Variants in USP40 observed in about 807,000 individuals in gnomAD.
USP40 encodes ubiquitin specific peptidase 40.
In USP40, 143 loss-of-function variants were observed where a neutral mutation model predicts 166.2. The observed-to-expected ratio is 0.86, with a 90% CI of 0.75 to 0.99. The LOEUF (loss-of-function observed/expected upper bound fraction) is 0.99. USP40 is among the 50% of genes least tolerant of loss of function. The pLI is 0.00. For synonymous variants in USP40, 498 were observed against 524.0 expected (o/e 0.95, Z 0.68); for missense variants, 1,444 against 1,479.7 (o/e 0.98, Z 0.40).
intron 30 of USP40, among the ~76,000 whole-genome samples, chr2:233,481,804 A>G (rs1481849390): frequency 6.6e-6 from 1 of 152,230 alleles, no homozygotes. Context: ...TGCTCCCTGC[A>G]TTCCCGTGAC....
intron 25 of USP40, among the ~76,000 whole-genome samples, chr2:233,491,665 G>T (rs1048337969): frequency 1.3e-5 from 2 of 151,694 alleles, no homozygotes; most frequent in African/African-American, 4.8e-5. Flanking sequence ...CGTTTAATCT[G>T]CCTCCTCAAA....
intron 21 of USP40, among the ~76,000 whole-genome samples, chr2:233,509,041 T>C (rs1245523554): frequency 2.0e-5 from 3 of 152,174 alleles, no homozygotes; most frequent in Non-Finnish European, 2.9e-5. Context: ...CCTAGATATA[T>C]AACCAGCCAT....
chr2:233,548,685 T>G (rs2070234144), intron 8 of USP40, among the ~76,000 whole-genome samples: 1 of 152,172 alleles, frequency 6.6e-6, no homozygotes, highest in Non-Finnish European at 1.5e-5. Flanking sequence ...GTTCCTTATT[T>G]TAATCAATGC....
At position 233,512,565 on chromosome 2, in the gene USP40, T is replaced by C. The variant is rs1225737935; in HGVS notation, c.2437+4A>G. 1 of 1,578,358 alleles carries C rather than the reference T, an allele frequency of 6.3e-7. No homozygotes were observed. The highest frequency in any genetic ancestry group is 8.6e-7 in the Non-Finnish European group (1 of 1,163,434). The stretch of plus-strand genomic sequence containing the variant: ...ACCTTTTGAAAGTTATCAAAAAGAT[T>C]TACCTGGACAAAGAAGCTTCCCATT... On this transcript the variant is annotated splice_donor_region_variant and intron_variant, in intron 19 of 31. Transcript: ENST00000678225.
intron 8 of USP40, among the ~76,000 whole-genome samples, chr2:233,548,534 G>A (rs534223024): frequency 4.4e-4 from 67 of 152,236 alleles, no homozygotes; most frequent in African/African-American, 1.5e-3. Context: ...CAGATTACAG[G>A]AGAGTTAGCT....
In USP40 at chr2:233,524,393, G is replaced by C. The variant is rs1427796406; in HGVS notation, c.1881+99C>G. The C allele has an allele frequency of 1.4e-5, 14 of 1,012,000 alleles. No individual in the cohort carries two copies. The Admixed American group carries it at 3.6e-4, about 26-fold the overall frequency. The allele number at this position is 1,012,000 out of a possible 1,614,324, so 62.7% of individuals were successfully genotyped here. A position where few individuals can be genotyped will look rare whatever the true frequency, so the allele number is the denominator to read the frequency against. On this transcript the variant is annotated intron_variant, in intron 15 of 31. Coordinates refer to ENST00000678225, the MANE Select transcript of USP40 (RefSeq NM_001365479.2). ...GATCTGCCTGCCTCGCCCTCCCAAA[G>C]TGCTGGGATTACAGGCATGAGCCAC...
Position 233,485,772 on chromosome 2 carries a change from T to G in USP40, c.3403A>C (p.Ser1135Arg). The change falls in exon 29 of 32, where the codon AGC becomes CGC. Residue 1135 changes from serine to arginine, a missense_variant. Transcript: ENST00000678225. ...AGACAGCCCCACAACTTTACCCAGC[T>G]AGATATCGGAAGCCACTCGAACTTT... ...PEKFEWLPIS[S>R]WNQQITKRKK... 1.2e-6 allele frequency: 2 copies of G among 1,613,194 alleles called. No individual in the cohort carries two copies. Among genetic ancestry groups the G allele is most frequent in the South Asian group, 2.2e-5 (2 of 90,816 alleles).
chr2:233,532,803 T>C (rs1194035328), intron 11 of USP40, among the ~76,000 whole-genome samples: 2 of 152,024 alleles, frequency 1.3e-5, no homozygotes, highest in African/African-American at 4.8e-5. Context: ...TAGCCAGGTG[T>C]GGCAGCATGT....
chr2:233,487,951 A>G (rs897376021), intron 28 of USP40: 1 of 613,854 alleles, frequency 1.6e-6, no homozygotes, highest in African/African-American at 1.8e-5. Flanking sequence ...CACTGACAAC[A>G]GCTGCGGGTG....
chr2:233,494,915 CATATATATATATATATATATATATATAT>C (rs1169787200), intron 24 of USP40, among the ~76,000 whole-genome samples: 1 of 11,370 alleles, frequency 8.8e-5, no homozygotes, highest in Non-Finnish European at 1.7e-4. Flanking sequence ...AGCAAAATGG[CATATATATATATATATATATATATATAT>C]ATATATATAT....
intron 10 of USP40, among the ~76,000 whole-genome samples, chr2:233,538,369 G>C (rs1440427145): frequency 6.6e-6 from 1 of 152,068 alleles, no homozygotes; most frequent in Non-Finnish European, 1.5e-5. Flanking sequence ...GAAAACAGAA[G>C]AGCAGAGAAA....
At chr2:233,497,754 T>G (rs780435464) in intron 23 of USP40, among the ~76,000 whole-genome samples, 1 of 152,242 alleles carries the variant, frequency 6.6e-6, no homozygotes, top group Non-Finnish European at 1.5e-5. Context: ...GAGGTCCACT[T>G]CTTACTCCAG....
chr2:233,525,690 C>G (rs763757555), intron 13 of USP40, 128 bp from the exon 14 acceptor site: 1 of 599,028 alleles, frequency 1.7e-6, no homozygotes, highest in Non-Finnish European at 2.8e-6. Context: ...CTCTCACCCC[C>G]ACCCAACACC....
intron 5 of USP40, among the ~76,000 whole-genome samples, chr2:233,556,056 C>T (rs1469342516): frequency 6.7e-6 from 1 of 149,492 alleles, no homozygotes; most frequent in Non-Finnish European, 1.5e-5. Context: ...GTGGAACTTG[C>T]AGTGAGCTGA....
intron 7 of USP40, 110 bp from the exon 8 acceptor site, chr2:233,549,339 G>A: frequency 1.4e-6 from 1 of 733,544 alleles, no homozygotes; most frequent in Non-Finnish European, 2.0e-6. Context: ...TTCACTGTTT[G>A]TTATTTAAGA....
chr2:233,553,901 A>C (rs1166940122), intron 6 of USP40, among the ~76,000 whole-genome samples: 2 of 152,212 alleles, frequency 1.3e-5, no homozygotes, highest in Non-Finnish European at 2.9e-5. Context: ...TATTCTGTTA[A>C]ATTCCTTAAT....
chr2:233,561,170 G>C (rs948850435), intron 3 of USP40: 11 of 1,578,120 alleles, frequency 7.0e-6, no homozygotes, highest in Non-Finnish European at 9.5e-6. Flanking sequence ...CTTTGCATCG[G>C]GTTTATCCTT....
At chr2:233,542,671 CGTT>C (rs2069532428) in intron 8 of USP40, 1 of 200,914 alleles carries the variant, frequency 5.0e-6, no homozygotes, top group African/African-American at 2.3e-5. Context: ...CAGAGCAAGA[CGTT>C]GTCAAAAAAA....
At chr2:233,538,867 A>C (rs1048696212) in intron 10 of USP40, among the ~76,000 whole-genome samples, 15 of 152,128 alleles carry the variant, frequency 9.9e-5, no homozygotes, top group Non-Finnish European at 2.2e-4. Flanking sequence ...ATGAAAAATA[A>C]AAAAAAGAAC....
Sources: allele counts gnomAD v4.1 joint callset (sites outside exome capture counted in the v4.1 genomes callset), GRCh38; gene constraint gnomAD v4.1.1; transcripts MANE v1.5; gene names NCBI Gene and HGNC (gene_info 2026-07-23, HGNC 2026-07-21).